Variants in TOX observed in about 807,000 individuals in gnomAD.
TOX encodes the protein thymocyte selection-associated high mobility group box protein TOX.
Under a neutral mutation model 53.7 loss-of-function variants are expected in TOX, and 11 were observed. The observed-to-expected ratio is 0.20, with a 90% CI of 0.13 to 0.34. The LOEUF is 0.34. Ranked by LOEUF, TOX falls within the 10% of genes least tolerant of loss-of-function variation. The probability of loss-of-function intolerance (pLI) is 1.00; values close to 1 mark genes in which losing one functional copy is unlikely to be tolerated. For missense variants in TOX, 570 were observed against 664.6 expected (o/e 0.86, Z 1.56); for synonymous variants, 225 against 245.3 (o/e 0.92, Z 0.77).
At chr8:58,954,976 A>G (rs1812686253) in intron 2 of TOX, among the ~76,000 whole-genome samples, 1 of 152,206 alleles carries the variant, frequency 6.6e-6, no homozygotes, top group African/African-American at 2.4e-5. Flanking sequence ...TTGAGCTGCT[A>G]TCAGCAACAG....
intron 1 of TOX, among the ~76,000 whole-genome samples, chr8:59,100,152 C>G (rs1804782510): frequency 6.6e-6 from 1 of 152,080 alleles, no homozygotes; most frequent in Non-Finnish European, 1.5e-5. Flanking sequence ...TGGGTAACAT[C>G]ATAATTCTCA....
intron 6 of TOX, among the ~76,000 whole-genome samples, chr8:58,820,699 A>AT (rs1386105973): frequency 6.6e-6 from 1 of 152,176 alleles, no homozygotes; most frequent in Non-Finnish European, 1.5e-5. Flanking sequence ...ATGTAACAAG[A>AT]TTGATTTTCT....
chr8:58,830,660 C>T (rs1810438589), intron 5 of TOX, among the ~76,000 whole-genome samples: 1 of 152,134 alleles, frequency 6.6e-6, no homozygotes, highest in South Asian at 2.1e-4. Context: ...ATTCCTTCTT[C>T]CTTCCTTCTT....
At chr8:59,108,166 T>C (rs1003046598) in intron 1 of TOX, among the ~76,000 whole-genome samples, 6 of 152,212 alleles carry the variant, frequency 3.9e-5, no homozygotes, top group African/African-American at 1.4e-4. Context: ...TTTACAGAGC[T>C]TAAACCTTAA....
At chr8:58,824,439 C>G (rs1194385986) in intron 6 of TOX, among the ~76,000 whole-genome samples, 2 of 152,202 alleles carry the variant, frequency 1.3e-5, no homozygotes, top group Non-Finnish European at 2.9e-5. Flanking sequence ...TTTCCAACTT[C>G]AGCTCAAACC....
rs1563413560 is a variant in TOX, at chr8:58,998,535, A to ATATATAATAAATTTATGT, written c.103-38528_103-38527insACATAAATTTATTATATA. Among the ~76,000 whole-genome samples, 5 of 12,280 alleles carry ATATATAATAAATTTATGT rather than the reference A, an allele frequency of 4.1e-4. No individual in the cohort carries two copies. The South Asian group carries it at 0.015, about 37-fold the overall frequency. 8.1% of individuals were successfully genotyped at this position (12,280 alleles called of 152,430 possible). On this transcript the variant is annotated intron_variant, in intron 1 of 8. Coordinates refer to ENST00000361421, the MANE Select transcript of TOX (RefSeq NM_014729.3). Reference sequence around the variant, plus strand: ...TATATATATATATATATATATATATATATAAATTTATATATAATAAATTTA... The same window carrying ATATATAATAAATTTATGT: ...TATATATATATATATATATATATATATATATAATAAATTTATGTTATAAATTTATATATAATAAATTTA...
In TOX at chr8:58,953,837, G is replaced by A. The variant is rs371128606; in HGVS notation, c.168+6106C>T. On this transcript the variant is annotated intron_variant, in intron 2 of 8. Transcript: ENST00000361421. ...TTTATGTCACAATCAACATGGAGAC[G>A]TTATGGCCCACAGTAAAGATACCTT... is the stretch of plus-strand genomic sequence containing the variant. 1.7e-4 allele frequency among the ~76,000 whole-genome samples: 26 copies of A among 152,068 alleles called. No homozygotes were observed. The South Asian group carries it at 2.1e-3, about 12-fold the overall frequency.
chr8:58,905,279 T>C (rs1811794623), intron 3 of TOX, among the ~76,000 whole-genome samples: 1 of 152,196 alleles, frequency 6.6e-6, no homozygotes, highest in Non-Finnish European at 1.5e-5. Flanking sequence ...TTGAATAATA[T>C]GAAATTAATT....
chr8:59,026,601 T>C (rs1814243307), intron 1 of TOX, among the ~76,000 whole-genome samples: 1 of 152,158 alleles, frequency 6.6e-6, no homozygotes, highest in South Asian at 2.1e-4. Flanking sequence ...TCCACTATTA[T>C]TGTCAGTCCC....
chr8:58,986,776 A>G (rs1457854300), intron 1 of TOX, among the ~76,000 whole-genome samples: 1 of 152,234 alleles, frequency 6.6e-6, no homozygotes. Flanking sequence ...ATCTTGTCAG[A>G]CAACTTATTA....
intron 2 of TOX, among the ~76,000 whole-genome samples, chr8:58,955,955 G>A (rs188698474): frequency 5.0e-4 from 76 of 151,928 alleles, no homozygotes; most frequent in African/African-American, 1.8e-3. Context: ...GGCTGGTCTC[G>A]AACTCCTGAC....
chr8:59,103,912 T>A (rs1018258259), intron 1 of TOX, among the ~76,000 whole-genome samples: 4 of 152,224 alleles, frequency 2.6e-5, no homozygotes, highest in African/African-American at 4.8e-5. Flanking sequence ...AAAGCATTAA[T>A]ATTCATGCTA....
At chr8:59,107,711 T>G (rs146532648) in intron 1 of TOX, among the ~76,000 whole-genome samples, 1 of 152,162 alleles carries the variant, frequency 6.6e-6, no homozygotes, top group African/African-American at 2.4e-5. Context: ...TATTCTGATA[T>G]TCTGCCAACA....
At chr8:58,995,073 T>C (rs1269487449) in intron 1 of TOX, among the ~76,000 whole-genome samples, 2 of 152,240 alleles carry the variant, frequency 1.3e-5, no homozygotes, top group African/African-American at 4.8e-5. Flanking sequence ...TTTCTGTATA[T>C]GTAATAAGCA....
intron 3 of TOX, among the ~76,000 whole-genome samples, chr8:58,929,169 A>C (rs1812217162): frequency 6.6e-6 from 1 of 152,152 alleles, no homozygotes; most frequent in African/African-American, 2.4e-5. Flanking sequence ...GGATTTAACT[A>C]TCATTTTTGT....
intron 1 of TOX, among the ~76,000 whole-genome samples, chr8:59,092,179 G>A (rs1331862173): frequency 6.8e-6 from 1 of 147,762 alleles, no homozygotes; most frequent in Non-Finnish European, 1.5e-5. Context: ...TTGAACCCAG[G>A]AGGTAGAGGT....
At chr8:59,040,371 T>C (rs919400892) in intron 1 of TOX, among the ~76,000 whole-genome samples, 2 of 145,666 alleles carry the variant, frequency 1.4e-5, no homozygotes, top group East Asian at 2.0e-4. Context: ...TTTCCTTCCA[T>C]CTCAGAAAAT....
chr8:59,052,547 T>C (rs986899691), intron 1 of TOX, among the ~76,000 whole-genome samples: 1 of 152,218 alleles, frequency 6.6e-6, no homozygotes, highest in Non-Finnish European at 1.5e-5. Context: ...AAAATCTCAA[T>C]TTCTCCATTT....
intron 5 of TOX, among the ~76,000 whole-genome samples, chr8:58,836,675 G>A (rs918476106): frequency 2.6e-5 from 4 of 152,166 alleles, no homozygotes; most frequent in African/African-American, 9.6e-5. Flanking sequence ...ACCTGGAAGA[G>A]CAAGTTCTAT....
Sources: gnomAD v4.1 joint callset for allele counts (sites outside exome capture counted in the v4.1 genomes callset) on GRCh38, gnomAD v4.1.1 for gene constraint, MANE v1.5 for transcripts, NCBI Gene and HGNC (gene_info 2026-07-23, HGNC 2026-07-21) for gene names.